Variants in ARHGDIB observed in about 807,000 individuals in gnomAD.
The protein encoded by ARHGDIB is rho GDP-dissociation inhibitor 2.
ARHGDIB carries 20 observed loss-of-function variants against 22.6 expected under a neutral mutation model. That is an observed-to-expected ratio of 0.88 (90% CI 0.62 to 1.28). The LOEUF is 1.28. Among genes scored for constraint, ARHGDIB ranks in the 50% most tolerant of loss-of-function variants. The pLI is 0.00. For missense variants in ARHGDIB, 254 were observed against 245.4 expected (o/e 1.04, Z -0.23); for synonymous variants, 114 against 96.1 (o/e 1.19, Z -1.09).
chr12:14,954,266 C>T (rs570640281), intron 1 of ARHGDIB, among the ~76,000 whole-genome samples: 2 of 152,238 alleles, frequency 1.3e-5, no homozygotes, highest in East Asian at 3.9e-4. Context: ...GGTGCCTGGG[C>T]AGAAGCTTGC....
At chr12:14,960,750 G>T (rs370701355) in intron 1 of ARHGDIB, among the ~76,000 whole-genome samples, 2 of 152,160 alleles carry the variant, frequency 1.3e-5, no homozygotes, top group African/African-American at 4.8e-5. Context: ...TGATCTACCC[G>T]CCTCGGCCTC....
chr12:14,954,850 A>C (rs1864265807), intron 1 of ARHGDIB, among the ~76,000 whole-genome samples: 1 of 151,970 alleles, frequency 6.6e-6, no homozygotes, highest in South Asian at 2.1e-4. Context: ...AAACAAAAAA[A>C]GGGTAACTAC....
At chr12:14,954,131 A>G (rs1864247131) in intron 1 of ARHGDIB, among the ~76,000 whole-genome samples, 1 of 152,060 alleles carries the variant, frequency 6.6e-6, no homozygotes, top group African/African-American at 2.4e-5. Context: ...GGCACATGCC[A>G]CCTGCCTGGC....
intron 1 of ARHGDIB, among the ~76,000 whole-genome samples, chr12:14,953,582 T>C (rs1864229983): frequency 6.6e-6 from 1 of 152,004 alleles, no homozygotes; most frequent in Non-Finnish European, 1.5e-5. Context: ...TTTTTGGAGA[T>C]TACAGGTCTC....
intron 1 of ARHGDIB, among the ~76,000 whole-genome samples, chr12:14,951,659 T>G (rs1421395693): frequency 1.4e-5 from 2 of 147,502 alleles, no homozygotes; most frequent in East Asian, 2.0e-4. Flanking sequence ...CCTGGAGTCT[T>G]CCTTCATCTC....
chr12:14,947,183 T>C (rs1239491703), intron 4 of ARHGDIB, among the ~76,000 whole-genome samples: 1 of 152,242 alleles, frequency 6.6e-6, no homozygotes, highest in African/African-American at 2.4e-5. Flanking sequence ...AAACACTGCA[T>C]TTCTAACTTA....
rs1863892207 is a variant in ARHGDIB at position 14,942,592 on chromosome 12, G to A, written c.536C>T (p.Thr179Ile). Reference protein sequence around the residue: ...RGTYHNKSFFTDDDKQDHLSW... With the variant: ...RGTYHNKSFFIDDDKQDHLSW... ...GAGGTGGTCTTGCTTGTCATCGTCG[G>A]TGAAGAAGGACTTGTTGTGGTACGT... The change falls in exon 6 of 6, where the codon ACC becomes ATC. Residue 179 changes from threonine (T) to isoleucine (I), a missense_variant. Transcript: ENST00000228945. 2 of 1,614,062 alleles carry A rather than the reference G, an allele frequency of 1.2e-6. No individual in the cohort carries two copies. The highest frequency in any genetic ancestry group is 1.7e-5 in the Admixed American group (1 of 60,010).
At position 14,942,661 on chromosome 12, in the gene ARHGDIB, A is replaced by G; in HGVS notation, c.467T>C (p.Leu156Pro). Residue 156 changes from leucine (L) to proline (P), a missense_variant, in exon 6 of 6, where the codon CTC (leucine) becomes CCC (proline). Physicochemically the swap from Leu to Pro is moderately conservative, Grantham distance 98 (BLOSUM62 -3). Transcript: ENST00000228945. ...YGPRPEEYEF[L>P]TPVEEAPKGM... ...CTTGGGAGCCTCCTCAACTGGAGTG[A>G]GGAACTCATACTCCTCAGGCCGAGG... The G allele has an allele frequency of 1.2e-6, 2 of 1,614,142 alleles. No individual in the cohort carries two copies. The highest frequency in any genetic ancestry group is 1.7e-6 in the Non-Finnish European group (2 of 1,180,018).
At chr12:14,947,793 A>G in intron 4 of ARHGDIB, 80 bp downstream of exon 4, 4 of 1,247,744 alleles carry the variant, frequency 3.2e-6, no homozygotes, top group Non-Finnish European at 3.5e-6. Context: ...AAGTACCTCA[A>G]CATGATCATG....
rs188197267 is a variant in ARHGDIB at position 14,951,877 on chromosome 12, C to T, written c.-12-1153G>A. ...TGAGATCCAGAGTTAAGAGAATTGCCCAGGTTCACACAGCTGGATGAGAGG... is the reference window on the plus strand; with the variant it reads ...TGAGATCCAGAGTTAAGAGAATTGCTCAGGTTCACACAGCTGGATGAGAGG... On this transcript the variant is annotated intron_variant, in intron 1 of 5. Coordinates refer to ENST00000228945, the MANE Select transcript of ARHGDIB (RefSeq NM_001175.7). 3.4e-3 allele frequency among the ~76,000 whole-genome samples: 522 copies of T among 151,874 alleles called. 6 individuals are homozygous for T. The highest frequency in any genetic ancestry group is 6.8e-3 in the Middle Eastern group (2 of 292).
Position 14,950,609 on chromosome 12 carries a change from A to G in ARHGDIB, c.104T>C (p.Leu35Pro). Reference sequence around the variant, plus strand: ...CTCATCATCTTTGTCCATTTCCTGCAGCTCTTTCAGGGACTTCTGTGGTGG... The same window carrying G: ...CTCATCATCTTTGTCCATTTCCTGCGGCTCTTTCAGGGACTTCTGTGGTGG... The part of the protein sequence containing the change: ...KPPPQKSLKE[L>P]QEMDKDDESL... Residue 35 changes from leucine to proline, a missense_variant, in exon 2 of 6, where the codon CTG becomes CCG. By Grantham distance (98) the Leu-to-Pro change is moderately conservative. Coordinates refer to ENST00000228945, the MANE Select transcript of ARHGDIB (RefSeq NM_001175.7). 6.2e-7 allele frequency: 1 copy of G among 1,614,038 alleles called. No homozygotes were observed. Among genetic ancestry groups the G allele is most frequent in the East Asian group, 2.2e-5 (1 of 44,878 alleles).
chr12:14,943,012 G>T (rs1326115658), intron 5 of ARHGDIB, among the ~76,000 whole-genome samples: 1 of 152,094 alleles, frequency 6.6e-6, no homozygotes, highest in East Asian at 1.9e-4. Flanking sequence ...GGGATTACAG[G>T]CATGCGCCAC....
At chr12:14,956,601 G>A (rs1864305579) in intron 1 of ARHGDIB, among the ~76,000 whole-genome samples, 1 of 152,182 alleles carries the variant, frequency 6.6e-6, no homozygotes, top group Non-Finnish European at 1.5e-5. Flanking sequence ...AAAATGAAAT[G>A]GAGAATGAAC....
chr12:14,942,697 C>T lies in ARHGDIB; in HGVS notation c.431G>A (p.Gly144Asp), dbSNP rs1190435325. 6.2e-7 allele frequency: 1 copy of T among 1,613,992 alleles called. No homozygotes were observed. The highest frequency in any genetic ancestry group is 8.5e-7 in the Non-Finnish European group (1 of 1,179,998). Residue 144 changes from glycine (G) to aspartate (D), a missense_variant, in exon 6 of 6, where the codon GGC becomes GAC. Coordinates refer to ENST00000228945, the MANE Select transcript of ARHGDIB (RefSeq NM_001175.7). ...CTCCTCAGGCCGAGGTCCATAGCTG[C>T]CAACCATAAATGTTGCTTTATCCAC... ...VKVDKATFMV[G>D]SYGPRPEEYE...
intron 1 of ARHGDIB, chr12:14,961,076 T>A (rs917832272): frequency 1.3e-5 from 2 of 152,252 alleles, no homozygotes. Flanking sequence ...TTTCAACCAG[T>A]CTTTTTACAT....
At chr12:14,951,567 C>G (rs1394543931) in intron 1 of ARHGDIB, among the ~76,000 whole-genome samples, 1 of 151,980 alleles carries the variant, frequency 6.6e-6, no homozygotes, top group African/African-American at 2.4e-5. Flanking sequence ...TTTCCCTTTT[C>G]TGGATCCACT....
chr12:14,947,873 T>C lies in ARHGDIB; in HGVS notation c.342A>G (p.Lys114=). ...AAAACACACAAGGCAGGATACTTAC[T>C]TTGAAGTGAATTTTGACTCTATATT... ...GSEYRVKIHF[K]VNRDIVSGLK... is the part of the protein sequence containing the mutation. The change falls in exon 4 of 6, where the codon AAA becomes AAG. Residue 114 remains lysine, a splice_region_variant and synonymous_variant. Transcript: ENST00000228945. The C allele has an allele frequency of 5.6e-6, 9 of 1,606,806 alleles. No individual in the cohort carries two copies. The highest frequency in any genetic ancestry group is 6.8e-6 in the Non-Finnish European group (8 of 1,173,320).
At chr12:14,957,525 A>G (rs577867197) in intron 1 of ARHGDIB, among the ~76,000 whole-genome samples, 1 of 152,332 alleles carries the variant, frequency 6.6e-6, no homozygotes, top group South Asian at 2.1e-4. Flanking sequence ...TAAAAACTGA[A>G]TCAACCTTAA....
At position 14,950,637 on chromosome 12, in the gene ARHGDIB, G is replaced by T. The variant is rs146450912; in HGVS notation, c.76C>A (p.Pro26Thr). Residue 26 changes from proline (P) to threonine (T), a missense_variant, in exon 2 of 6, where the codon CCT (proline) becomes ACT (threonine). Coordinates refer to ENST00000228945, the MANE Select transcript of ARHGDIB (RefSeq NM_001175.7). ...DELDSKLNYK[P>T]PPQKSLKELQ... ...TCTTTCAGGGACTTCTGTGGTGGAG[G>T]CTTATAATTGAGCTTGCTGTCCAGC... 1 of 1,613,992 alleles carries T rather than the reference G, an allele frequency of 6.2e-7. No homozygotes were observed. The highest frequency in any genetic ancestry group is 8.5e-7 in the Non-Finnish European group (1 of 1,179,942).
Sources: gnomAD v4.1 joint callset for allele counts (sites outside exome capture counted in the v4.1 genomes callset) on GRCh38, gnomAD v4.1.1 for gene constraint, MANE v1.5 for transcripts, NCBI Gene and HGNC (gene_info 2026-07-23, HGNC 2026-07-21) for gene names.